CWC27: variants seen among roughly 807,000 people sequenced by gnomAD.
CWC27 encodes the protein CWC27 spliceosome associated cyclophilin.
A neutral mutation model predicts 63.6 loss-of-function variants in CWC27; 47 were observed. The observed-to-expected ratio is 0.74, with a 90% CI of 0.58 to 0.94. CWC27 has a LOEUF of 0.94. Among genes scored for constraint, CWC27 ranks in the 40% least tolerant of loss-of-function variants. CWC27 has a pLI of 0.00. For missense variants in CWC27, 495 were observed against 554.3 expected, an observed-to-expected ratio of 0.89 and a Z score of 1.07; for synonymous variants, 175 against 179.8, an observed-to-expected ratio of 0.97 and a Z score of 0.22.
Position 64,783,910 on chromosome 5 carries a change from T to C in CWC27, c.327T>C (p.Asn109=). The C allele has an allele frequency of 3.1e-6, 5 of 1,608,488 alleles. No individual in the cohort carries two copies. The highest frequency in any genetic ancestry group is 1.3e-5 in the African/African-American group (1 of 74,678). The change falls in exon 4 of 14, where the codon AAT becomes AAC. Residue 109 remains asparagine (N), a synonymous_variant. Coordinates refer to ENST00000381070, the MANE Select transcript of CWC27 (RefSeq NM_005869.4). ...TGGCAAATGCTGGTTCTCATGATAA[T>C]GGCAGCCAGTTTTTCTTCACACTGG... ...VAMANAGSHD[N]GSQFFFTLGR...
At chr5:65,012,800 G>A (rs867301386) in intron 13 of CWC27, among the ~76,000 whole-genome samples, 1 of 152,190 alleles carries the variant, frequency 6.6e-6, no homozygotes, top group Non-Finnish European at 1.5e-5. Flanking sequence ...AAGGGCTAAT[G>A]AAATCAATCA....
chr5:64,909,781 G>A (rs1307465731), intron 11 of CWC27, among the ~76,000 whole-genome samples: 2 of 152,128 alleles, frequency 1.3e-5, no homozygotes, highest in East Asian at 3.9e-4. Context: ...CTCCTTCAGG[G>A]CATTTAAGGT....
At chr5:64,841,387 C>G (rs2112281290) in intron 10 of CWC27, among the ~76,000 whole-genome samples, 2 of 152,304 alleles carry the variant, frequency 1.3e-5, no homozygotes, top group Middle Eastern at 6.8e-3. Flanking sequence ...AAAGATCCCA[C>G]CACTTAATAC....
At chr5:64,840,856 A>G (rs980464738) in intron 10 of CWC27, among the ~76,000 whole-genome samples, 4 of 152,170 alleles carry the variant, frequency 2.6e-5, no homozygotes, top group Admixed American at 6.5e-5. Context: ...TGGCTAGGCC[A>G]GGGGTAAGGG....
chr5:64,804,197 A>C (rs1265851250), intron 9 of CWC27, 32 bp from the exon 10 acceptor site: 1 of 1,556,032 alleles, frequency 6.4e-7, no homozygotes, highest in African/African-American at 1.4e-5. Context: ...GAAATTGAGC[A>C]CCTGGCAAAT....
intron 10 of CWC27, among the ~76,000 whole-genome samples, chr5:64,816,476 G>A (rs925359540): frequency 1.3e-5 from 2 of 152,072 alleles, no homozygotes; most frequent in South Asian, 2.1e-4. Context: ...CATTCAGGCC[G>A]TCTTTTTTAA....
At chr5:64,938,609 C>G (rs773332504) in intron 11 of CWC27, among the ~76,000 whole-genome samples, 6 of 152,138 alleles carry the variant, frequency 3.9e-5, no homozygotes, top group Non-Finnish European at 8.8e-5. Context: ...CAAGGAGTAT[C>G]TTTGTGGTGT....
intron 10 of CWC27, among the ~76,000 whole-genome samples, chr5:64,851,135 C>T (rs1165266650): frequency 2.0e-5 from 3 of 152,190 alleles, no homozygotes; most frequent in East Asian, 1.9e-4. Flanking sequence ...CGCCAAGTTA[C>T]GGACTCAACT....
chr5:64,954,230 T>G (rs1003363051), intron 11 of CWC27, among the ~76,000 whole-genome samples: 5 of 152,142 alleles, frequency 3.3e-5, no homozygotes, highest in Non-Finnish European at 7.4e-5. Context: ...ACCAAAAGCA[T>G]AGGTCTCCAA....
At chr5:64,851,020 T>C (rs1746118761) in intron 10 of CWC27, among the ~76,000 whole-genome samples, 1 of 152,190 alleles carries the variant, frequency 6.6e-6, no homozygotes, top group African/African-American at 2.4e-5. Flanking sequence ...ACATTAGCAT[T>C]ATATGAATCA....
rs1743380522 is a variant in CWC27, at chr5:64,774,723, CAT to C, written c.77_78del (p.Ile26ArgfsTer9). ...TGAAAACTACAGCTGGAGATATTGA[CAT>C]AGAGTTGTGGTCCAAAGAAGCTCCT... The part of the protein sequence containing the change: ...LLKTTAGDID[I>X]ELWSKEAPKA... On this transcript the variant is annotated frameshift_variant, in exon 2 of 14. Coordinates refer to ENST00000381070, the MANE Select transcript of CWC27 (RefSeq NM_005869.4). LOFTEE classifies it high-confidence loss of function. The C allele has an allele frequency of 6.2e-7, 1 of 1,602,338 alleles. No homozygotes were observed. The highest frequency in any genetic ancestry group is 1.3e-5 in the African/African-American group (1 of 74,258).
chr5:64,917,912 T>C (rs1049593016), intron 11 of CWC27, among the ~76,000 whole-genome samples: 1 of 151,906 alleles, frequency 6.6e-6, no homozygotes, highest in African/African-American at 2.4e-5. Context: ...CATTAACCTC[T>C]TTTATATATA....
intron 11 of CWC27, among the ~76,000 whole-genome samples, chr5:64,930,136 A>G (rs1748210698): frequency 6.6e-6 from 1 of 152,234 alleles, no homozygotes; most frequent in Non-Finnish European, 1.5e-5. Context: ...ATATGATTCC[A>G]TTTATATGGA....
chr5:64,841,270 C>T (rs1176520135), intron 10 of CWC27, among the ~76,000 whole-genome samples: 1 of 152,058 alleles, frequency 6.6e-6, no homozygotes, highest in East Asian at 1.9e-4. Flanking sequence ...GAAATAAGTC[C>T]AAACATCTTG....
intron 11 of CWC27, among the ~76,000 whole-genome samples, chr5:64,925,110 C>A (rs1197233978): frequency 6.6e-6 from 1 of 152,114 alleles, no homozygotes; most frequent in Admixed American, 6.5e-5. Flanking sequence ...TATATTTTTC[C>A]TAACCTTTAG....
intron 13 of CWC27, among the ~76,000 whole-genome samples, chr5:64,981,429 G>A (rs1359923908): frequency 6.6e-6 from 1 of 151,862 alleles, no homozygotes; most frequent in Non-Finnish European, 1.5e-5. Flanking sequence ...TTTATCTTTT[G>A]TATTATGACC....
chr5:64,938,403 T>G (rs1344181719), intron 11 of CWC27, among the ~76,000 whole-genome samples: 1 of 152,168 alleles, frequency 6.6e-6, no homozygotes, highest in East Asian at 1.9e-4. Context: ...GGTTGAAAAT[T>G]CTTTTCCTTA....
At chr5:64,873,109 A>G (rs923971845) in intron 10 of CWC27, among the ~76,000 whole-genome samples, 5 of 152,200 alleles carry the variant, frequency 3.3e-5, no homozygotes, top group African/African-American at 1.2e-4. Context: ...CAAAATAACA[A>G]CACACCTAAA....
At chr5:64,992,332 G>T (rs868357240) in intron 13 of CWC27, among the ~76,000 whole-genome samples, 1 of 152,140 alleles carries the variant, frequency 6.6e-6, no homozygotes, top group Non-Finnish European at 1.5e-5. Flanking sequence ...GAGATTGTTT[G>T]TCACACCAGT....
Sources: allele counts gnomAD v4.1 joint callset (sites outside exome capture counted in the v4.1 genomes callset), GRCh38; gene constraint gnomAD v4.1.1; transcripts MANE v1.5; gene names NCBI Gene and HGNC (gene_info 2026-07-23, HGNC 2026-07-21).